EDC3: variants seen among roughly 807,000 people sequenced by gnomAD.
The protein encoded by EDC3 is enhancer of mRNA decapping 3.
Under a neutral mutation model 41.8 loss-of-function variants are expected in EDC3, and 20 were observed. The ratio of observed to expected loss-of-function variants is 0.48; its 90% CI spans 0.34 to 0.70. The LOEUF (loss-of-function observed/expected upper bound fraction) is 0.70, where lower values mean the gene tolerates loss of function less well. Ranked by LOEUF, EDC3 falls within the 30% of genes least tolerant of loss-of-function variation. The pLI, the probability that EDC3 is intolerant of heterozygous loss-of-function variation, is 0.01. For synonymous variants in EDC3, 206 were observed against 243.2 expected (o/e 0.85, Z 1.42); for missense variants, 444 against 636.8 (o/e 0.70, Z 3.26).
Position 74,671,724 on chromosome 15 carries a change from T to C in EDC3, c.215A>G (p.Asp72Gly), listed in dbSNP as rs1204118785. The change falls in exon 3 of 7, where the codon GAC becomes GGC. Residue 72 changes from aspartate (D) to glycine (G), a missense_variant. Transcript: ENST00000315127. This position sits in a 1 kb window ranked among gnomAD's most constrained non-coding sequence, Gnocchi z 4.6. The part of the protein sequence containing the change: ...LKILEIPGPG[D>G]NQHFGDLHQT... Reference sequence around the variant, plus strand: ...ATGAAGGTCTCCAAAATGTTGGTTGTCTCCAGGTCCTGGTATCTCCAGAAT... The same window carrying C: ...ATGAAGGTCTCCAAAATGTTGGTTGCCTCCAGGTCCTGGTATCTCCAGAAT... 1 of 1,614,040 alleles carries C rather than the reference T, an allele frequency of 6.2e-7. No individual in the cohort carries two copies. Among genetic ancestry groups the C allele is most frequent in the African/African-American group, 1.3e-5 (1 of 74,900 alleles).
chr15:74,675,813 G>A (rs1596326557), intron 1 of EDC3, among the ~76,000 whole-genome samples: 5 of 150,210 alleles, frequency 3.3e-5, no homozygotes, highest in East Asian at 3.9e-4. Context: ...CCCAGGAGGC[G>A]GAGGTTGCAG....
At chr15:74,649,060 A>ATTTT (rs1184258510) in intron 4 of EDC3, among the ~76,000 whole-genome samples, 3 of 115,928 alleles carry the variant, frequency 2.6e-5, no homozygotes, top group African/African-American at 7.1e-5. Flanking sequence ...ACCCTGGCTA[A>ATTTT]TTTTTTTTTT....
chr15:74,694,763 CAAT>C (rs1276467238), intron 1 of EDC3, among the ~76,000 whole-genome samples: 2 of 151,900 alleles, frequency 1.3e-5, no homozygotes, highest in Non-Finnish European at 2.9e-5. Flanking sequence ...TGCAGGGGCA[CAAT>C]AAGTCATGAT....
chr15:74,673,227 AAG>A (rs2062760024), intron 2 of EDC3, among the ~76,000 whole-genome samples: 1 of 152,134 alleles, frequency 6.6e-6, no homozygotes, highest in South Asian at 2.1e-4. Flanking sequence ...AGCAAGAAAT[AAG>A]AGGGGATGAA....
chr15:74,688,063 A>G (rs2062959281), intron 1 of EDC3, among the ~76,000 whole-genome samples: 1 of 152,248 alleles, frequency 6.6e-6, no homozygotes, highest in Non-Finnish European at 1.5e-5. Flanking sequence ...ACTTTTAAAA[A>G]TATAACCACT....
At chr15:74,670,622 G>T (rs1157960074) in intron 3 of EDC3, among the ~76,000 whole-genome samples, 1 of 152,074 alleles carries the variant, frequency 6.6e-6, no homozygotes, top group Non-Finnish European at 1.5e-5. Flanking sequence ...CAGAGACGAG[G>T]TTTCAACATG....
Position 74,632,908 on chromosome 15 carries a change from G to C in EDC3, c.1231C>G (p.Leu411Val), listed in dbSNP as rs774213135. The change falls in exon 7 of 7, where the codon CTG becomes GTG. Residue 411 changes from leucine to valine, a missense_variant. By Grantham distance (32) the Leu-to-Val change is conservative (BLOSUM62 1). Around this residue, in one of 3 missense-constraint regions of EDC3, gnomAD observed 242 missense variants for 363.8 expected, o/e 0.67. Transcript: ENST00000315127. The surrounding 1 kb of genome is among the most constrained non-coding windows in gnomAD (Gnocchi z 4.0). ...AGGAAGACGTTCTCAGGGCAATCCA[G>C]GCAGTTGATGACCAGGTCCACAGGG... ...TSPVDLVINC[L>V]DCPENVFLRD... 54 of 1,614,110 alleles carry C rather than the reference G, an allele frequency of 3.3e-5. No homozygotes were observed. Among genetic ancestry groups the C allele is most frequent in the Non-Finnish European group, 4.5e-5 (53 of 1,180,032 alleles).
At chr15:74,693,011 C>G (rs925185267) in intron 1 of EDC3, 1 of 152,134 alleles carries the variant, frequency 6.6e-6, no homozygotes, top group Non-Finnish European at 1.5e-5. Context: ...CAGCCTATAC[C>G]TGAAAGCCTG....
intron 4 of EDC3, chr15:74,644,599 A>G (rs969137919): frequency 5.9e-5 from 9 of 151,856 alleles, no homozygotes; most frequent in Non-Finnish European, 8.8e-5. Context: ...ACGTGTGTAT[A>G]CCTATGTAAC....
chr15:74,640,400 T>G, intron 5 of EDC3, 66 bp downstream of exon 5: 4 of 1,568,116 alleles, frequency 2.6e-6, no homozygotes, highest in Non-Finnish European at 3.5e-6. Flanking sequence ...TGGGAGGCAC[T>G]GTGGTGGTGG....
intron 1 of EDC3, among the ~76,000 whole-genome samples, chr15:74,688,406 A>G (rs2062963388): frequency 6.6e-6 from 1 of 152,178 alleles, no homozygotes; most frequent in East Asian, 1.9e-4. Flanking sequence ...CCTCCCTGAA[A>G]TTTTACATAT....
chr15:74,658,651 A>AC, intron 3 of EDC3, among the ~76,000 whole-genome samples: 1 of 150,550 alleles, frequency 6.6e-6, no homozygotes, highest in South Asian at 2.1e-4. Context: ...AAAAAAAAAA[A>AC]AAACCAAGGC....
intron 3 of EDC3, among the ~76,000 whole-genome samples, chr15:74,668,984 C>A (rs1336244182): frequency 1.3e-5 from 2 of 152,052 alleles, no homozygotes; most frequent in Non-Finnish European, 2.9e-5. Context: ...GTCTGTAATC[C>A]CAGCACTTGG....
intron 1 of EDC3, among the ~76,000 whole-genome samples, chr15:74,678,564 T>A (rs1253108571): frequency 1.3e-5 from 2 of 152,012 alleles, no homozygotes; most frequent in African/African-American, 2.4e-5. Context: ...AGGAAAAAAA[T>A]AATGTCAATC....
At chr15:74,692,768 GTA>G (rs2063021731) in intron 1 of EDC3, 1 of 152,092 alleles carries the variant, frequency 6.6e-6, no homozygotes, top group African/African-American at 2.4e-5. Context: ...AAGTTTAGTT[GTA>G]TGTTTTTACA....
chr15:74,648,608 G>C (rs2062444149), intron 4 of EDC3, among the ~76,000 whole-genome samples: 1 of 152,172 alleles, frequency 6.6e-6, no homozygotes, highest in Admixed American at 6.5e-5. Context: ...CTGGAGCTCA[G>C]ACCAGAGCAC....
Position 74,671,367 on chromosome 15 carries a change from A to G in EDC3, c.484+88T>C. 1.4e-6 allele frequency: 2 copies of G among 1,400,016 alleles called. No homozygotes were observed. Among genetic ancestry groups the G allele is most frequent in the Non-Finnish European group, 2.0e-6 (2 of 1,023,622 alleles). 86.7% of individuals were successfully genotyped at this position (1,400,016 alleles called of 1,614,324 possible). A position where few individuals can be genotyped will look rare whatever the true frequency, so the allele number is the denominator to read the frequency against. On this transcript the variant is annotated intron_variant, in intron 3 of 6. Transcript: ENST00000315127. The surrounding 1 kb of genome is among the most constrained non-coding windows in gnomAD (Gnocchi z 4.6). The stretch of plus-strand genomic sequence containing the variant: ...CCAGCATCCATTTTATTGGAATAAC[A>G]AAGGATTTGTTTAAAGAGCAGCAGT...
At chr15:74,669,340 T>C (rs2062713230) in intron 3 of EDC3, among the ~76,000 whole-genome samples, 3 of 104,528 alleles carry the variant, frequency 2.9e-5, no homozygotes, top group African/African-American at 4.3e-5. Context: ...CGAAACTCTG[T>C]CTCAAAAAAA....
rs60846010 is a variant in EDC3, at chr15:74,638,326, CTT to C, written c.974+2138_974+2139del. 9 of 92,632 alleles carry C rather than the reference CTT, an allele frequency of 9.7e-5. 1 individual carries two copies. The highest frequency in any genetic ancestry group is 9.0e-4 in the South Asian group (2 of 2,232). The allele number at this position is 92,632 out of a possible 1,614,324, so 5.7% of individuals were successfully genotyped here. A position where few individuals can be genotyped will look rare whatever the true frequency, so the allele number is the denominator to read the frequency against. On this transcript the variant is annotated intron_variant, in intron 5 of 6. Transcript: ENST00000315127. Reference sequence around the variant, plus strand: ...TAAGACCCTTTTCTGAACTTCAGATCTTTTTTTTTTTTTTTTTTTTTTTTGAG... The same window carrying C: ...TAAGACCCTTTTCTGAACTTCAGATCTTTTTTTTTTTTTTTTTTTTTTGAG...
Sources: allele counts gnomAD v4.1 joint callset (sites outside exome capture counted in the v4.1 genomes callset), GRCh38; gene constraint gnomAD v4.1.1; regional missense constraint gnomAD v4.1.1; non-coding constraint Gnocchi (gnomAD v3.1); transcripts MANE v1.5; gene names NCBI Gene and HGNC (gene_info 2026-07-23, HGNC 2026-07-21).